KPNA4: variants seen among roughly 807,000 people sequenced by gnomAD.
KPNA4 encodes the protein karyopherin subunit alpha 4, also known as importin subunit alpha-3.
Under a neutral mutation model 71.3 loss-of-function variants are expected in KPNA4, and 13 were observed. The ratio of observed to expected loss-of-function variants is 0.18; its 90% confidence interval spans 0.12 to 0.29. The LOEUF (loss-of-function observed/expected upper bound fraction) is 0.29, where lower values mean the gene tolerates loss of function less well. KPNA4 is among the 10% of genes least tolerant of loss of function. KPNA4 has a pLI of 1.00. For missense variants in KPNA4, 334 were observed against 603.2 expected, an observed-to-expected ratio of 0.55 and a Z score of 4.67; for synonymous variants, 189 against 195.2, an observed-to-expected ratio of 0.97 and a Z score of 0.26.
At chr3:160,537,314 C>G (rs1721710132) in intron 1 of KPNA4, among the ~76,000 whole-genome samples, 1 of 150,550 alleles carries the variant, frequency 6.6e-6, no homozygotes. Context: ...TACCATGATT[C>G]TGACACGTCT....
At chr3:160,513,928 A>T in intron 13 of KPNA4, 149 bp downstream of exon 13, 1 of 329,322 alleles carries the variant, frequency 3.0e-6, no homozygotes, top group Non-Finnish European at 5.1e-6. Flanking sequence ...GGCTAGGTTC[A>T]AAAGTCGTAA....
At position 160,500,120 on chromosome 3, in the gene KPNA4, C is replaced by T. The variant is rs1046000502; in HGVS notation, c.*1984G>A. 4.6e-5 allele frequency: 7 copies of T among 151,212 alleles called. No individual in the cohort carries two copies. Among genetic ancestry groups the T allele is most frequent in the African/African-American group, 1.7e-4 (7 of 41,128 alleles). 9.4% of individuals were successfully genotyped at this position (151,212 alleles called of 1,614,324 possible). A position where few individuals can be genotyped will look rare whatever the true frequency, so the allele number is the denominator to read the frequency against. On this transcript the variant is annotated 3_prime_UTR_variant, in exon 17 of 17. Coordinates refer to ENST00000334256, the MANE Select transcript of KPNA4 (RefSeq NM_002268.5). Reference sequence around the variant, plus strand: ...TGTAAGCCATTGAATTATACTCTAACTTTATAAAAAAAAAAAAATCCACAC... The same window carrying T: ...TGTAAGCCATTGAATTATACTCTAATTTTATAAAAAAAAAAAAATCCACAC...
intron 13 of KPNA4, among the ~76,000 whole-genome samples, chr3:160,510,360 C>T (rs1721065879): frequency 6.6e-6 from 1 of 151,488 alleles, no homozygotes; most frequent in Non-Finnish European, 1.5e-5. Context: ...TTCATAATCT[C>T]ATTTTTGAGA....
At chr3:160,507,866 T>G (rs953212179) in intron 15 of KPNA4, among the ~76,000 whole-genome samples, 8 of 152,248 alleles carry the variant, frequency 5.3e-5, no homozygotes, top group African/African-American at 1.9e-4. Flanking sequence ...GACTGTGTCT[T>G]GTTTACCACT....
At chr3:160,511,525 G>A (rs1201952560) in intron 13 of KPNA4, among the ~76,000 whole-genome samples, 6 of 151,830 alleles carry the variant, frequency 4.0e-5, no homozygotes, top group African/African-American at 1.2e-4. Context: ...AGCTATGAAA[G>A]GAATAAGAAA....
At chr3:160,515,725 C>A in intron 11 of KPNA4, 145 bp from the exon 12 acceptor site, 1 of 809,540 alleles carries the variant, frequency 1.2e-6, no homozygotes, top group South Asian at 1.9e-5. Context: ...AGTGATCCTC[C>A]CACCCCAGCC....
intron 15 of KPNA4, among the ~76,000 whole-genome samples, chr3:160,507,403 G>C (rs1267747948): frequency 6.6e-6 from 1 of 151,644 alleles, no homozygotes; most frequent in Admixed American, 6.6e-5. Context: ...AGGAGGCTGA[G>C]GCAGAAGAAT....
At position 160,537,699 on chromosome 3, in the gene KPNA4, TCC is replaced by T. The variant is rs1428250553; in HGVS notation, c.70-861_70-860del. On this transcript the variant is annotated intron_variant, in intron 1 of 16. Transcript: ENST00000334256. ...ACTGAACTTTTGATCTTTAATACAC[TCC>T]ACCTGCCATCTCAGCAAATGGCAAC... Among the ~76,000 whole-genome samples, 7 of 150,552 alleles carry T rather than the reference TCC, an allele frequency of 4.6e-5. No homozygotes were observed. In the East Asian group the frequency reaches 1.4e-3, roughly 29 times the overall value.
In KPNA4 at chr3:160,504,939, C is replaced by T; in HGVS notation, c.1467+19G>A. The T allele has an allele frequency of 7.9e-7, 1 of 1,273,226 alleles. No homozygotes were observed. Among genetic ancestry groups the T allele is most frequent in the Non-Finnish European group, 1.1e-6 (1 of 936,184 alleles). The allele number at this position is 1,273,226 out of a possible 1,614,324, so 78.9% of individuals were successfully genotyped here. ...ATGTTTATATATAAAATTAAGAAAA[C>T]TACAAAATTATTAAATACATCATCT... On this transcript the variant is annotated intron_variant, in intron 16 of 16. Coordinates refer to ENST00000334256, the MANE Select transcript of KPNA4 (RefSeq NM_002268.5).
rs1010968676 is a variant in KPNA4, at chr3:160,565,366, G to C, written c.-84C>G. On this transcript the variant is annotated 5_prime_UTR_variant, in exon 1 of 17. Transcript: ENST00000334256. Reference sequence around the variant, plus strand: ...CGCCGCACCGACACTCCCAGGAACCGGGCCGCCGCCTGAGCTGCTGTGCCC... The same window carrying C: ...CGCCGCACCGACACTCCCAGGAACCCGGCCGCCGCCTGAGCTGCTGTGCCC... 8.2e-5 allele frequency: 97 copies of C among 1,180,368 alleles called. 1 individual carries two copies. The highest frequency in any genetic ancestry group is 7.9e-4 in the South Asian group (59 of 74,914). 73.1% of individuals were successfully genotyped at this position (1,180,368 alleles called of 1,614,324 possible). A position where few individuals can be genotyped will look rare whatever the true frequency, so the allele number is the denominator to read the frequency against.
intron 10 of KPNA4, 145 bp from the exon 11 acceptor site, chr3:160,522,055 C>T (rs182298708): frequency 2.7e-5 from 18 of 660,184 alleles, no homozygotes; most frequent in Admixed American, 2.0e-4. Flanking sequence ...CTGATCGCTA[C>T]GGTATTAAAC....
chr3:160,559,526 T>C (rs1311456614), intron 1 of KPNA4, among the ~76,000 whole-genome samples: 1 of 152,176 alleles, frequency 6.6e-6, no homozygotes, highest in Non-Finnish European at 1.5e-5. Context: ...GGGTAAATGT[T>C]ACATCTGAAG....
intron 1 of KPNA4, among the ~76,000 whole-genome samples, chr3:160,541,915 T>C (rs1191004209): frequency 1.3e-5 from 2 of 152,188 alleles, no homozygotes; most frequent in Admixed American, 1.3e-4. Context: ...AACACCATTC[T>C]AAACATGTTA....
chr3:160,515,367 A>C (rs949529409), intron 12 of KPNA4, 85 bp downstream of exon 12: 2 of 1,214,070 alleles, frequency 1.6e-6, no homozygotes, highest in South Asian at 3.0e-5. Flanking sequence ...TCAATATTAC[A>C]GACATTTCTA....
intron 1 of KPNA4, among the ~76,000 whole-genome samples, chr3:160,547,733 C>G (rs1229239808): frequency 6.6e-6 from 1 of 152,190 alleles, no homozygotes; most frequent in African/African-American, 2.4e-5. Flanking sequence ...CCCTCACCCT[C>G]AACCCCTGGC....
At chr3:160,532,420 TCAA>T (rs1314364752) in intron 5 of KPNA4, among the ~76,000 whole-genome samples, 1 of 152,152 alleles carries the variant, frequency 6.6e-6, no homozygotes, top group African/African-American at 2.4e-5. Flanking sequence ...CCATAAAAGT[TCAA>T]CAACATTTTC....
At chr3:160,529,981 A>G (rs1039858702) in intron 7 of KPNA4, among the ~76,000 whole-genome samples, 1 of 151,592 alleles carries the variant, frequency 6.6e-6, no homozygotes, top group Non-Finnish European at 1.5e-5. Context: ...TAAAAATACA[A>G]AAAACTAGCC....
intron 12 of KPNA4, among the ~76,000 whole-genome samples, chr3:160,514,519 A>G (rs1040131151): frequency 6.6e-6 from 1 of 152,242 alleles, no homozygotes; most frequent in Admixed American, 6.5e-5. Context: ...AGTATAATAC[A>G]AATACAAATC....
intron 13 of KPNA4, 119 bp downstream of exon 13, chr3:160,513,958 T>G (rs1018939146): frequency 9.6e-6 from 5 of 520,696 alleles, no homozygotes; most frequent in Non-Finnish European, 3.1e-6. Context: ...TACTTTACTA[T>G]ATTTATGCCA....
Sources: gnomAD v4.1 joint callset for allele counts (sites outside exome capture counted in the v4.1 genomes callset) on GRCh38, gnomAD v4.1.1 for gene constraint, MANE v1.5 for transcripts, NCBI Gene and HGNC (gene_info 2026-07-23, HGNC 2026-07-21) for gene names.